The following TJP2 variants were observed in gnomAD, a reference collection of about 807,000 sequenced individuals.
The protein encoded by TJP2 is tight junction protein 2.
A neutral mutation model predicts 133.1 loss-of-function variants in TJP2; 91 were observed. That is an observed-to-expected ratio of 0.68 (90% CI 0.58 to 0.81). The LOEUF (loss-of-function observed/expected upper bound fraction) is 0.81. Among genes scored for constraint, TJP2 ranks in the 40% least tolerant of loss-of-function variants. The probability of loss-of-function intolerance (pLI) is 0.00; values close to 1 mark genes in which losing one functional copy is unlikely to be tolerated. For missense variants in TJP2, 1,541 were observed against 1,565.6 expected (o/e 0.98, Z 0.26); for synonymous variants, 592 against 583.4 (o/e 1.01, Z -0.21).
At chr9:69,167,607 C>A (rs1824425905) in intron 2 of TJP2, among the ~76,000 whole-genome samples, 1 of 152,146 alleles carries the variant, frequency 6.6e-6, no homozygotes, top group Non-Finnish European at 1.5e-5. Context: ...CGTCTGTAAT[C>A]CCAGCACTTT....
At chr9:69,228,544 A>T (rs1178346161) in intron 9 of TJP2, among the ~76,000 whole-genome samples, 2 of 152,236 alleles carry the variant, frequency 1.3e-5, no homozygotes, top group East Asian at 1.9e-4. Flanking sequence ...ATGTAAATAC[A>T]TAGATATGTA....
Position 69,236,246 on chromosome 9 carries a change from A to T in TJP2, c.1991+8A>T. 6.2e-7 allele frequency: 1 copy of T among 1,613,494 alleles called. No homozygotes were observed. Among genetic ancestry groups the T allele is most frequent in the Non-Finnish European group, 8.5e-7 (1 of 1,179,974 alleles). ...AATCCCCAACAAGAGCAGGTAACAGAGATCGCATTCTCACATACCCCTTTT... is the reference window on the plus strand; with the variant it reads ...AATCCCCAACAAGAGCAGGTAACAGTGATCGCATTCTCACATACCCCTTTT... On this transcript the variant is annotated splice_region_variant and intron_variant, in intron 13 of 22. Transcript: ENST00000377245.
At chr9:69,206,077 T>G (rs1479073384) in intron 1 of TJP2, among the ~76,000 whole-genome samples, 3 of 152,192 alleles carry the variant, frequency 2.0e-5, no homozygotes, top group African/African-American at 2.4e-5. Flanking sequence ...CATTAAGTTT[T>G]TTGTTTATGG....
chr9:69,226,876 T>C (rs1436036819), intron 7 of TJP2, among the ~76,000 whole-genome samples: 1 of 152,240 alleles, frequency 6.6e-6, no homozygotes, highest in Non-Finnish European at 1.5e-5. Context: ...AACAAGTAGA[T>C]GCTCAAAAAG....
upstream of TJP2, among the ~76,000 whole-genome samples, chr9:69,172,521 G>GT (rs1403536461): frequency 1.3e-5 from 2 of 152,080 alleles, no homozygotes; most frequent in African/African-American, 4.8e-5. Context: ...ACACTTACTG[G>GT]TGGCAAGTGG....
Position 69,152,817 on chromosome 9 carries a change from C to CTTTTTTTTT in TJP2, c.-10+1069_-10+1077dup, listed in dbSNP as rs10543289. On this transcript the variant is annotated intron_variant, in intron 2 of 5. Coordinates refer to the TJP2 transcript ENST00000423935. ...TTACTGAAATGTTCTCTCTGGAGCT[C>CTTTTTTTTT]TTTTTTTTTTTTTTTTTTTTTTTTT... is the stretch of plus-strand genomic sequence containing the variant. Among the ~76,000 whole-genome samples, 120 of 48,034 alleles carry CTTTTTTTTT rather than the reference C, an allele frequency of 2.5e-3. 20 individuals carry two copies. The highest frequency in any genetic ancestry group is 3.8e-3 in the South Asian group (3 of 792). The allele number at this position is 48,034 out of a possible 152,430, so 31.5% of individuals were successfully genotyped here.
chr9:69,135,031 C>T (rs572606509), intron 1 of TJP2, among the ~76,000 whole-genome samples: 1 of 151,954 alleles, frequency 6.6e-6, no homozygotes, highest in Non-Finnish European at 1.5e-5. Context: ...GTTGTAGGGA[C>T]ACTAATCCTA....
At chr9:69,220,860 T>C in intron 4 of TJP2, 27 bp from the exon 5 acceptor site, 5 of 1,608,998 alleles carry the variant, frequency 3.1e-6, no homozygotes, top group Non-Finnish European at 4.2e-6. Context: ...TTGTCCTGCG[T>C]CCACACTGAG....
intron 1 of TJP2, among the ~76,000 whole-genome samples, chr9:69,205,801 T>A (rs1827353274): frequency 6.6e-6 from 1 of 152,226 alleles, no homozygotes; most frequent in Non-Finnish European, 1.5e-5. Context: ...CCTCCATCAC[T>A]GGGCAGCAGC....
chr9:69,218,865 C>G (rs1157703569), intron 4 of TJP2, among the ~76,000 whole-genome samples: 1 of 152,034 alleles, frequency 6.6e-6, no homozygotes, highest in Non-Finnish European at 1.5e-5. Context: ...TGTGTTCACT[C>G]CAGTGGGGCA....
intron 2 of TJP2, among the ~76,000 whole-genome samples, chr9:69,167,822 T>G (rs528440970): frequency 1.2e-3 from 172 of 149,412 alleles, no homozygotes; most frequent in Admixed American, 2.3e-3. Flanking sequence ...GAGCCAAGAT[T>G]GCACCACTGC....
At chr9:69,138,863 G>T (rs932215587) in intron 1 of TJP2, among the ~76,000 whole-genome samples, 1 of 152,172 alleles carries the variant, frequency 6.6e-6, no homozygotes, top group Non-Finnish European at 1.5e-5. Flanking sequence ...GTTGTAGTGA[G>T]CTGAGATCGC....
Position 69,187,418 on chromosome 9 carries a change from A to T in TJP2, c.60+12986A>T, listed in dbSNP as rs139065940. 3.3e-5 allele frequency among the ~76,000 whole-genome samples: 5 copies of T among 152,316 alleles called. No individual in the cohort carries two copies. In the East Asian group the frequency reaches 9.6e-4, roughly 29 times the overall value. On this transcript the variant is annotated intron_variant, in intron 1 of 22. Coordinates refer to ENST00000377245, the MANE Select transcript of TJP2 (RefSeq NM_004817.4). ...TTATATTTGTGTTGTCAAAACTGGGATGCTGTCATTTCTGTTTCTCTGTCT... is the reference window on the plus strand; with the variant it reads ...TTATATTTGTGTTGTCAAAACTGGGTTGCTGTCATTTCTGTTTCTCTGTCT...
rs566802374 is a variant in TJP2 at position 69,138,346 on chromosome 9, C to T, written c.-130-13305C>T. ...TCTTGAGGGTGGAGGATTTTCTTTTCCCAGCTGGTTTGCTATAAAGTATAT... is the reference window on the plus strand; with the variant it reads ...TCTTGAGGGTGGAGGATTTTCTTTTTCCAGCTGGTTTGCTATAAAGTATAT... On this transcript the variant is annotated intron_variant, in intron 1 of 5. Transcript: ENST00000423935. Among the ~76,000 whole-genome samples, 203 of 152,192 alleles carry T rather than the reference C, an allele frequency of 1.3e-3. 2 individuals are homozygous for T. The highest frequency in any genetic ancestry group is 3.4e-3 in the Middle Eastern group (1 of 294).
chr9:69,134,997 T>G (rs1822666821), intron 1 of TJP2, among the ~76,000 whole-genome samples: 1 of 137,032 alleles, frequency 7.3e-6, no homozygotes, highest in Non-Finnish European at 1.6e-5. Flanking sequence ...GAGAGAGAGA[T>G]CTGTTTCTCT....
chr9:69,214,757 C>G (rs746255739), intron 2 of TJP2, among the ~76,000 whole-genome samples: 4 of 151,150 alleles, frequency 2.6e-5, no homozygotes, highest in Admixed American at 2.0e-4. Context: ...CCTGTAGTCC[C>G]AGCTACTCAG....
At chr9:69,212,839 T>C (rs569727937) in intron 2 of TJP2, among the ~76,000 whole-genome samples, 1 of 142,240 alleles carries the variant, frequency 7.0e-6, no homozygotes, top group African/African-American at 2.5e-5. Context: ...TGTATACTCT[T>C]ATCTCCAGCT....
At chr9:69,139,171 T>C (rs1257657498) in intron 1 of TJP2, among the ~76,000 whole-genome samples, 1 of 147,938 alleles carries the variant, frequency 6.8e-6, no homozygotes, top group African/African-American at 2.5e-5. Flanking sequence ...GAGCTGAGAT[T>C]GAGCCACTGC....
chr9:69,248,547 TA>T (rs1831096762), intron 19 of TJP2: 1 of 1,248,192 alleles, frequency 8.0e-7, no homozygotes, highest in Non-Finnish European at 1.0e-6. Context: ...AGTATTGTTG[TA>T]TGTACTTGTA....
Sources: allele counts gnomAD v4.1 joint callset (sites outside exome capture counted in the v4.1 genomes callset), GRCh38; gene constraint gnomAD v4.1.1; transcripts MANE v1.5; gene names NCBI Gene and HGNC (gene_info 2026-07-23, HGNC 2026-07-21).